DOCK1: variants seen among roughly 807,000 people sequenced by gnomAD.
DOCK1 encodes the protein dedicator of cytokinesis 1.
Under a neutral mutation model 262.7 loss-of-function variants are expected in DOCK1, and 138 were observed. That is an observed-to-expected ratio of 0.53 (90% CI 0.46 to 0.61). DOCK1 has a LOEUF of 0.61. DOCK1 is among the 20% of genes least tolerant of loss of function. The probability of loss-of-function intolerance (pLI) is 0.00; values close to 1 mark genes in which losing one functional copy is unlikely to be tolerated. For synonymous variants in DOCK1, 866 were observed against 867.4 expected (o/e 1.00, Z 0.03); for missense variants, 1,908 against 2,370.7 (o/e 0.80, Z 4.05).
At chr10:127,144,433 T>G (rs2051590608) in intron 27 of DOCK1, among the ~76,000 whole-genome samples, 1 of 152,226 alleles carries the variant, frequency 6.6e-6, no homozygotes, top group Admixed American at 6.5e-5. Context: ...CATTGAAGGA[T>G]GGACCATGTT....
intron 29 of DOCK1, among the ~76,000 whole-genome samples, chr10:127,332,250 G>C (rs1308471684): frequency 6.6e-6 from 1 of 152,208 alleles, no homozygotes. Context: ...CTGTATTCTT[G>C]TTGGCATCAC....
intron 21 of DOCK1, among the ~76,000 whole-genome samples, chr10:127,050,722 T>G (rs1226423196): frequency 6.6e-6 from 1 of 150,480 alleles, no homozygotes; most frequent in East Asian, 1.9e-4. Flanking sequence ...AAAAAAAAAG[T>G]TTTATGCCCA....
intron 24 of DOCK1, among the ~76,000 whole-genome samples, chr10:127,109,915 T>G (rs1168693925): frequency 6.6e-6 from 1 of 152,216 alleles, no homozygotes; most frequent in African/African-American, 2.4e-5. Flanking sequence ...TTTGACATTT[T>G]GAGGAAATGC....
intron 22 of DOCK1, among the ~76,000 whole-genome samples, chr10:127,056,949 C>T (rs1029741131): frequency 8.5e-5 from 13 of 152,134 alleles, no homozygotes; most frequent in African/African-American, 3.1e-4. Context: ...TCTAGTAATC[C>T]CTCCCCTTCT....
intron 21 of DOCK1, among the ~76,000 whole-genome samples, chr10:127,051,536 ATTG>A (rs2044722205): frequency 6.6e-6 from 1 of 152,206 alleles, no homozygotes; most frequent in African/African-American, 2.4e-5. Context: ...CTTTAAAAAA[ATTG>A]TTGTAAAATA....
chr10:126,966,431 TG>T, intron 1 of DOCK1, among the ~76,000 whole-genome samples: 1 of 152,352 alleles, frequency 6.6e-6, no homozygotes, highest in African/African-American at 2.4e-5. Flanking sequence ...GCGGGATTGC[TG>T]GGTCATGTGG....
intron 29 of DOCK1, among the ~76,000 whole-genome samples, chr10:127,278,046 G>T (rs116675798): frequency 6.6e-6 from 1 of 151,522 alleles, no homozygotes; most frequent in Non-Finnish European, 1.5e-5. Context: ...TAATCCATGC[G>T]CACACGCTTC....
chr10:127,187,514 T>C (rs1157012026), intron 27 of DOCK1, among the ~76,000 whole-genome samples: 1 of 152,214 alleles, frequency 6.6e-6, no homozygotes, highest in East Asian at 1.9e-4. Context: ...ATGGAGTCTT[T>C]TAAAAGTTGT....
At chr10:127,249,122 C>T (rs1300760431) in intron 28 of DOCK1, among the ~76,000 whole-genome samples, 1 of 152,096 alleles carries the variant, frequency 6.6e-6, no homozygotes, top group Non-Finnish European at 1.5e-5. Context: ...CAGAACATGG[C>T]AGTGTACTAG....
intron 29 of DOCK1, among the ~76,000 whole-genome samples, chr10:127,325,123 C>T (rs746434275): frequency 1.3e-5 from 2 of 152,108 alleles, no homozygotes; most frequent in South Asian, 2.1e-4. Flanking sequence ...TTAATCATTA[C>T]ACTCATTAAG....
In DOCK1 at chr10:127,061,704, A is replaced by G. The variant is rs753889992; in HGVS notation, c.2373A>G (p.Glu791=). 19 of 1,600,580 alleles carry G rather than the reference A, an allele frequency of 1.2e-5. No individual in the cohort carries two copies. The East Asian group carries it at 4.0e-4, about 34-fold the overall frequency. ...YENKGEADFV[E]SLLQLFRSIN... is the part of the protein sequence containing the mutation. ...ACAAGGGAGAGGCTGACTTCGTGGA[A>G]TCTTTGCTGCAGCTCTTCAGGTCCA... The change falls in exon 23 of 52, where the codon GAA becomes GAG. Residue 791 remains glutamate, a synonymous_variant. Coordinates refer to ENST00000623213, the MANE Select transcript of DOCK1 (RefSeq NM_001290223.2).
intron 1 of DOCK1, among the ~76,000 whole-genome samples, chr10:126,950,261 T>C: frequency 6.6e-6 from 1 of 152,236 alleles, no homozygotes; most frequent in Middle Eastern, 3.4e-3. Flanking sequence ...CCACAGCTTA[T>C]CTGTGTCATG....
chr10:127,061,750 A>G lies in DOCK1; in HGVS notation c.2419A>G (p.Met807Val), dbSNP rs1216873725. Reference protein sequence around the residue: ...FRSINDMMSSMSDQTVRVKGA... With the variant: ...FRSINDMMSSVSDQTVRVKGA... The stretch of plus-strand genomic sequence containing the variant: ...GTCCATCAATGACATGATGAGCAGC[A>G]TGTCAGACCAGACCGTCCGGGTGAA... The change falls in exon 23 of 52, where the codon ATG becomes GTG. Residue 807 changes from methionine to valine, a missense_variant. Around this residue, in one of 9 missense-constraint regions of DOCK1, gnomAD observed 518 missense variants for 575.1 expected, o/e 0.90. Coordinates refer to ENST00000623213, the MANE Select transcript of DOCK1 (RefSeq NM_001290223.2). 3 of 1,592,530 alleles carry G rather than the reference A, an allele frequency of 1.9e-6. No homozygotes were observed. The highest frequency in any genetic ancestry group is 3.5e-5 in the Admixed American group (2 of 56,650).
At chr10:127,052,885 C>T in intron 22 of DOCK1, 70 bp downstream of exon 22, 1 of 1,543,556 alleles carries the variant, frequency 6.5e-7, no homozygotes, top group South Asian at 1.2e-5. Context: ...TCTTTCCTTC[C>T]CCTTCTCTCG....
intron 29 of DOCK1, among the ~76,000 whole-genome samples, chr10:127,301,553 G>A (rs2061679315): frequency 6.6e-6 from 1 of 152,182 alleles, no homozygotes; most frequent in Admixed American, 6.5e-5. Flanking sequence ...GGTCACCGGT[G>A]AATATATGCA....
chr10:127,082,331 G>A (rs1355860684), intron 23 of DOCK1, among the ~76,000 whole-genome samples: 3 of 152,108 alleles, frequency 2.0e-5, no homozygotes, highest in East Asian at 1.9e-4. Flanking sequence ...TGCCAATAAA[G>A]ACACACCTTA....
chr10:127,032,468 A>G (rs1591749212), intron 18 of DOCK1, 148 bp downstream of exon 18: 1 of 811,588 alleles, frequency 1.2e-6, no homozygotes, highest in East Asian at 3.1e-5. Context: ...ATGATTTATC[A>G]ATGCATAGAA....
At chr10:127,347,841 TCC>T (rs551048094) in intron 31 of DOCK1, among the ~76,000 whole-genome samples, 2 of 40,838 alleles carry the variant, frequency 4.9e-5, no homozygotes, top group Non-Finnish European at 1.1e-4. Context: ...AGCCTTCCCT[TCC>T]CTTCCCTTCC....
At chr10:127,193,270 G>A (rs1046049409) in intron 27 of DOCK1, among the ~76,000 whole-genome samples, 1 of 152,228 alleles carries the variant, frequency 6.6e-6, no homozygotes. Context: ...TATCTGGGGA[G>A]TTTTTATGAC....
Sources: gnomAD v4.1 joint callset for allele counts (sites outside exome capture counted in the v4.1 genomes callset) on GRCh38, gnomAD v4.1.1 for gene constraint, gnomAD v4.1.1 regional missense constraint, MANE v1.5 for transcripts, NCBI Gene and HGNC (gene_info 2026-07-23, HGNC 2026-07-21) for gene names.